Variants in ETHE1 observed in about 807,000 individuals in gnomAD.
The protein encoded by ETHE1 is ETHE1 persulfide dioxygenase, also known as persulfide dioxygenase ETHE1, mitochondrial.
ETHE1 carries 16 observed loss-of-function variants against 25.7 expected under a neutral mutation model. That is an observed-to-expected ratio of 0.62 (90% confidence interval 0.42 to 0.95). The LOEUF (loss-of-function observed/expected upper bound fraction) is 0.95, where lower values mean the gene tolerates loss of function less well. Among genes scored for constraint, ETHE1 ranks in the 40% least tolerant of loss-of-function variants. The probability of loss-of-function intolerance (pLI) is 0.00; values close to 1 mark genes in which losing one functional copy is unlikely to be tolerated. For missense variants in ETHE1, 300 were observed against 333.6 expected, an observed-to-expected ratio of 0.90 and a Z score of 0.79; for synonymous variants, 139 against 135.9, an observed-to-expected ratio of 1.02 and a Z score of -0.16.
chr19:43,519,957 T>G (rs1275076958), intron 3 of ETHE1, among the ~76,000 whole-genome samples: 1 of 151,334 alleles, frequency 6.6e-6, no homozygotes, highest in African/African-American at 2.4e-5. Context: ...TGCACGTCTG[T>G]AGGCCCAGCT....
intron 3 of ETHE1, among the ~76,000 whole-genome samples, chr19:43,513,352 G>A (rs1188362154): frequency 1.3e-5 from 2 of 151,942 alleles, no homozygotes; most frequent in South Asian, 2.1e-4. Context: ...CCATGTGCCT[G>A]GAAAAGCCAC....
At chr19:43,521,971 G>A (rs1972146224) in intron 3 of ETHE1, among the ~76,000 whole-genome samples, 2 of 152,290 alleles carry the variant, frequency 1.3e-5, no homozygotes, top group South Asian at 2.1e-4. Context: ...TTGGGAGGCT[G>A]AGGCAAGGAG....
At chr19:43,522,579 T>A (rs1033523723) in intron 3 of ETHE1, among the ~76,000 whole-genome samples, 1 of 151,856 alleles carries the variant, frequency 6.6e-6, no homozygotes, top group African/African-American at 2.4e-5. Context: ...CGGGGGAGGT[T>A]CAAGCGATTC....
At chr19:43,514,021 C>T (rs1198833515) in intron 3 of ETHE1, among the ~76,000 whole-genome samples, 1 of 152,066 alleles carries the variant, frequency 6.6e-6, no homozygotes, top group Non-Finnish European at 1.5e-5. Flanking sequence ...CATGCCCGGC[C>T]TCAGATGAGA....
chr19:43,508,142 G>C, intron 5 of ETHE1, 82 bp from the exon 6 acceptor site: 1 of 1,585,910 alleles, frequency 6.3e-7, no homozygotes, highest in East Asian at 2.3e-5. Flanking sequence ...GGAGGCCTTG[G>C]GTGCCTCTCT....
At position 43,526,675 on chromosome 19, in the gene ETHE1, C is replaced by T. The variant is rs531028570; in HGVS notation, c.82-16G>A. Reference sequence around the variant, plus strand: ...GCTCGAACATCTGGGAACGGGGGACCCAGGTGAGGGCGCAGAACCGGACTT... The same window carrying T: ...GCTCGAACATCTGGGAACGGGGGACTCAGGTGAGGGCGCAGAACCGGACTT... On this transcript the variant is annotated splice_polypyrimidine_tract_variant and intron_variant, in intron 1 of 6. Coordinates refer to ENST00000292147, the MANE Select transcript of ETHE1 (RefSeq NM_014297.5). 81 of 1,612,642 alleles carry T rather than the reference C, an allele frequency of 5.0e-5. No individual in the cohort carries two copies. Among genetic ancestry groups the T allele is most frequent in the Non-Finnish European group, 6.8e-5 (80 of 1,180,010 alleles).
intron 4 of ETHE1, among the ~76,000 whole-genome samples, chr19:43,509,903 G>A (rs1017148630): frequency 2.6e-5 from 4 of 152,312 alleles, no homozygotes; most frequent in African/African-American, 7.2e-5. Flanking sequence ...CCTAAGTAGG[G>A]GGCAAACCTC....
At chr19:43,521,768 T>G (rs1291249069) in intron 3 of ETHE1, among the ~76,000 whole-genome samples, 1 of 152,072 alleles carries the variant, frequency 6.6e-6, no homozygotes, top group African/African-American at 2.4e-5. Context: ...TTCAAGAAAC[T>G]GGGAGTTTCT....
chr19:43,519,853 G>A (rs1162253864), intron 3 of ETHE1, among the ~76,000 whole-genome samples: 10 of 151,908 alleles, frequency 6.6e-5, no homozygotes, highest in Admixed American at 3.3e-4. Flanking sequence ...CTATACATAC[G>A]CACCTATGAT....
chr19:43,512,219 T>TA (rs1459521598), intron 3 of ETHE1, among the ~76,000 whole-genome samples: 1 of 152,110 alleles, frequency 6.6e-6, no homozygotes, highest in Non-Finnish European at 1.5e-5. Flanking sequence ...GGGGTGCTGC[T>TA]ATAAGGAGAT....
In ETHE1 at chr19:43,521,274, G is replaced by A. The variant is rs138467280; in HGVS notation, c.375+4927C>T. Among the ~76,000 whole-genome samples, 963 of 152,104 alleles carry A rather than the reference G, an allele frequency of 6.3e-3. 6 individuals are homozygous for A. Among genetic ancestry groups the A allele is most frequent in the African/African-American group, 0.022 (920 of 41,484 alleles). ...CGAAAGGCGGAGGTTGCAGTGAGCC[G>A]AGACTGCGCCACTGCACTCTAGCCT... On this transcript the variant is annotated intron_variant, in intron 3 of 6. Transcript: ENST00000292147.
chr19:43,527,059 G>C (rs751141887), intron 1 of ETHE1, 38 bp downstream of exon 1: 4 of 1,545,452 alleles, frequency 2.6e-6, no homozygotes, highest in Middle Eastern at 1.7e-4. Flanking sequence ...CTGCCGCCTA[G>C]TGCCCAGCAG....
chr19:43,511,345 T>G (rs1298740261), intron 4 of ETHE1, 92 bp downstream of exon 4: 2 of 1,581,486 alleles, frequency 1.3e-6, no homozygotes, highest in Non-Finnish European at 8.7e-7. Context: ...AAAAGTCTAA[T>G]GTCCATCCAT....
chr19:43,509,132 G>A (rs1971854791), intron 4 of ETHE1, among the ~76,000 whole-genome samples: 1 of 152,188 alleles, frequency 6.6e-6, no homozygotes, highest in Non-Finnish European at 1.5e-5. Flanking sequence ...AGTGTCATTT[G>A]TGACCTTGGC....
intron 3 of ETHE1, among the ~76,000 whole-genome samples, chr19:43,519,873 T>C (rs1249166794): frequency 6.6e-6 from 1 of 152,196 alleles, no homozygotes; most frequent in Non-Finnish European, 1.5e-5. Flanking sequence ...TAGAGTTTAA[T>C]TTATAAATTA....
intron 3 of ETHE1, among the ~76,000 whole-genome samples, chr19:43,516,734 T>C (rs1185533254): frequency 6.6e-6 from 1 of 151,436 alleles, no homozygotes; most frequent in Non-Finnish European, 1.5e-5. Flanking sequence ...GAAGTGATTC[T>C]TGTGTCTCAG....
At position 43,511,448 on chromosome 19, in the gene ETHE1, T is replaced by G. The variant is rs756235299; in HGVS notation, c.494A>C (p.Asp165Ala). 1.2e-6 allele frequency: 2 copies of G among 1,614,058 alleles called. No homozygotes were observed. Among genetic ancestry groups the G allele is most frequent in the African/African-American group, 2.7e-5 (2 of 74,924 alleles). The change falls in exon 4 of 7, where the codon GAC (aspartate) becomes GCC (alanine). Residue 165 changes from aspartate (D) to alanine (A), a missense_variant. By Grantham distance (126) the Asp-to-Ala change is moderately radical (BLOSUM62 -2). Coordinates refer to ENST00000292147, the MANE Select transcript of ETHE1 (RefSeq NM_014297.5). ...AAGGAGCTGGTCACCTTGCTGGAAG[T>G]CTGTCCGCCCACACCCACGGATCAA... ...ALLIRGCGRT[D>A]FQQGCAKTLY... is the part of the protein sequence containing the mutation.
intron 1 of ETHE1, 124 bp downstream of exon 1, chr19:43,526,973 C>A: frequency 1.3e-6 from 2 of 1,530,650 alleles, no homozygotes; most frequent in Non-Finnish European, 1.8e-6. Context: ...TAAACCTCCA[C>A]CCCGCTTTCC....
intron 4 of ETHE1, among the ~76,000 whole-genome samples, chr19:43,510,858 C>T (rs1014043426): frequency 1.4e-4 from 22 of 152,106 alleles, no homozygotes; most frequent in African/African-American, 4.8e-4. Context: ...AGGTGGTGAG[C>T]GGTGGGTGAG....
Sources: allele counts gnomAD v4.1 joint callset (sites outside exome capture counted in the v4.1 genomes callset), GRCh38; gene constraint gnomAD v4.1.1; transcripts MANE v1.5; gene names NCBI Gene and HGNC (gene_info 2026-07-23, HGNC 2026-07-21).